Variants in WDFY3 observed in about 807,000 individuals in gnomAD.
WDFY3 encodes WD repeat and FYVE domain containing 3.
In WDFY3, 66 loss-of-function variants were observed where a neutral mutation model predicts 409.6. The ratio of observed to expected loss-of-function variants is 0.16; its 90% CI spans 0.13 to 0.20. The LOEUF is 0.20. WDFY3 is among the 10% of genes least tolerant of loss of function. WDFY3 has a pLI of 1.00. For synonymous variants in WDFY3, 1,521 were observed against 1,537.1 expected (o/e 0.99, Z 0.25); for missense variants, 3,031 against 4,298.1 (o/e 0.71, Z 8.24).
chr4:84,916,338 C>T (rs945110413), intron 2 of WDFY3, among the ~76,000 whole-genome samples: 8 of 152,134 alleles, frequency 5.3e-5, no homozygotes, highest in African/African-American at 1.4e-4. Flanking sequence ...CCATTCAGCA[C>T]TCTGTCATGC....
At chr4:84,928,577 T>C (rs911201648) in intron 2 of WDFY3, among the ~76,000 whole-genome samples, 2 of 152,172 alleles carry the variant, frequency 1.3e-5, no homozygotes, top group Admixed American at 6.5e-5. Context: ...GTATATATGA[T>C]TGTACCACTA....
intron 1 of WDFY3, among the ~76,000 whole-genome samples, chr4:84,938,954 A>T (rs114647581): frequency 0.017 from 2,652 of 152,196 alleles, 36 homozygotes; most frequent in East Asian, 0.057. Flanking sequence ...TAATTATAAC[A>T]TTGTTACAAT....
intron 61 of WDFY3, among the ~76,000 whole-genome samples, chr4:84,688,719 T>A (rs185633533): frequency 0.033 from 5,069 of 151,996 alleles, 87 homozygotes; most frequent in South Asian, 0.05. Context: ...AATTTTTTTT[T>A]AAAAAAATGC....
intron 4 of WDFY3, among the ~76,000 whole-genome samples, chr4:84,858,615 A>G (rs1760098904): frequency 1.3e-5 from 2 of 152,136 alleles, no homozygotes; most frequent in Admixed American, 6.5e-5. Context: ...TGAACAATAC[A>G]AGTTTTCAGA....
chr4:84,780,294 T>C lies in WDFY3; in HGVS notation c.4179A>G (p.Val1393=). 6.2e-7 allele frequency: 1 copy of C among 1,605,330 alleles called. No individual in the cohort carries two copies. Among genetic ancestry groups the C allele is most frequent in the Non-Finnish European group, 8.5e-7 (1 of 1,176,162 alleles). Residue 1393 remains valine (V), a synonymous_variant, in exon 26 of 68, where the codon GTA becomes GTG. Coordinates refer to ENST00000295888, the MANE Select transcript of WDFY3 (RefSeq NM_014991.6). ...CAACAGGCTTAGGGACAAATGTTCTTACTCCTGATTAAAAGATAGTGAAAA... is the reference window on the plus strand; with the variant it reads ...CAACAGGCTTAGGGACAAATGTTCTCACTCCTGATTAAAAGATAGTGAAAA... ...IGAALIGYLG[V]RTFVPKPVAT...
At chr4:84,764,741 C>T (rs1055548473) in intron 32 of WDFY3, among the ~76,000 whole-genome samples, 15 of 151,410 alleles carry the variant, frequency 9.9e-5, no homozygotes, top group African/African-American at 3.4e-4. Flanking sequence ...TGGTGGCAGG[C>T]GCCTGTAGTC....
rs759846512 is a variant in WDFY3, at chr4:84,691,760, G to A, written c.9075C>T (p.Ile3025=). The change falls in exon 60 of 68, where the codon ATC becomes ATT. Residue 3025 remains isoleucine (I), a synonymous_variant. Transcript: ENST00000295888. ...CAAGAATACCTTTATCTGTACATAC[G>A]ATTTGTCCTACAGGTTCTTTGAGTT... ...VKELKEPVGQ[I]VCTDKGILAV... The A allele has an allele frequency of 1.9e-5, 31 of 1,613,328 alleles. No homozygotes were observed. Among genetic ancestry groups the A allele is most frequent in the African/African-American group, 2.7e-5 (2 of 74,900 alleles).
At chr4:84,952,452 T>C (rs1457050721) in intron 1 of WDFY3, among the ~76,000 whole-genome samples, 1 of 152,214 alleles carries the variant, frequency 6.6e-6, no homozygotes, top group Non-Finnish European at 1.5e-5. Flanking sequence ...CCAGGTACAA[T>C]GTACCATCTG....
At chr4:84,852,255 G>C (rs1759136672) in intron 4 of WDFY3, among the ~76,000 whole-genome samples, 1 of 152,188 alleles carries the variant, frequency 6.6e-6, no homozygotes, top group Non-Finnish European at 1.5e-5. Context: ...CTGGACAAAG[G>C]AATAATTCAC....
intron 2 of WDFY3, among the ~76,000 whole-genome samples, chr4:84,929,469 G>GCC (rs371877964): frequency 3.0e-4 from 41 of 136,990 alleles, no homozygotes; most frequent in African/African-American, 6.2e-4. Context: ...ATTGAATTGC[G>GCC]CCCCCCCCCC....
chr4:84,918,451 C>G (rs1372787270), intron 2 of WDFY3, among the ~76,000 whole-genome samples: 1 of 152,046 alleles, frequency 6.6e-6, no homozygotes, highest in East Asian at 1.9e-4. Flanking sequence ...AATATGCTAT[C>G]TTTTGTGTTG....
intron 67 of WDFY3, among the ~76,000 whole-genome samples, chr4:84,674,512 C>A (rs1404413492): frequency 6.6e-6 from 1 of 151,776 alleles, no homozygotes; most frequent in African/African-American, 2.4e-5. Context: ...CAAAGCTGCA[C>A]TGAGCTGTGA....
At chr4:84,713,136 C>G in intron 51 of WDFY3, 23 bp downstream of exon 51, 1 of 1,609,468 alleles carries the variant, frequency 6.2e-7, no homozygotes, top group Non-Finnish European at 8.5e-7. Context: ...TAAACTGTAA[C>G]ATGCAAGGAA....
intron 26 of WDFY3, among the ~76,000 whole-genome samples, chr4:84,779,416 ATGC>A (rs1033573193): frequency 6.7e-6 from 1 of 148,458 alleles, no homozygotes; most frequent in African/African-American, 2.5e-5. Context: ...GGATACATAA[ATGC>A]TGCTTTTTTT....
intron 2 of WDFY3, among the ~76,000 whole-genome samples, chr4:84,917,443 ACATAAG>A (rs1414673712): frequency 6.6e-6 from 1 of 152,226 alleles, no homozygotes; most frequent in Non-Finnish European, 1.5e-5. Context: ...GGTGATAGAT[ACATAAG>A]CATATTTTAT....
At chr4:84,852,967 CA>C (rs1430679610) in intron 4 of WDFY3, among the ~76,000 whole-genome samples, 3 of 152,114 alleles carry the variant, frequency 2.0e-5, no homozygotes, top group Non-Finnish European at 4.4e-5. Context: ...CCATGTTGTA[CA>C]GGCTGGTCTT....
At chr4:84,718,658 G>GCA in intron 47 of WDFY3, 88 bp from the exon 48 acceptor site, 2 of 1,440,572 alleles carry the variant, frequency 1.4e-6, no homozygotes, top group Non-Finnish European at 1.9e-6. Flanking sequence ...CTAGAGCTAA[G>GCA]CATATTAAAT....
In WDFY3 at chr4:84,966,672, C is replaced by T. The variant is rs1775806557; in HGVS notation, c.-689G>A. The T allele has an allele frequency of 6.4e-6, 1 of 156,128 alleles. No homozygotes were observed. Among genetic ancestry groups the T allele is most frequent in the Admixed American group, 6.5e-5 (1 of 15,296 alleles). 9.7% of individuals were successfully genotyped at this position (156,128 alleles called of 1,614,324 possible). ...ATCCTCCTCCTCCTCCTGCTTTCTC[C>T]ACCTCCCGCTGGCTGTCTGACTGAC... is the stretch of plus-strand genomic sequence containing the variant. On this transcript the variant is annotated 5_prime_UTR_variant, in exon 1 of 68. Transcript: ENST00000295888.
chr4:84,915,431 AG>A (rs377174975), intron 2 of WDFY3, among the ~76,000 whole-genome samples: 2 of 152,216 alleles, frequency 1.3e-5, no homozygotes, highest in African/African-American at 4.8e-5. Flanking sequence ...CAAAATTTTC[AG>A]GCAAACATAA....
Sources: allele counts gnomAD v4.1 joint callset (sites outside exome capture counted in the v4.1 genomes callset), GRCh38; gene constraint gnomAD v4.1.1; transcripts MANE v1.5; gene names NCBI Gene and HGNC (gene_info 2026-07-23, HGNC 2026-07-21).